Variants in KLHL24 observed in about 807,000 individuals in gnomAD.
The protein encoded by KLHL24 is kelch like family member 24.
KLHL24 carries 29 observed loss-of-function variants against 53.4 expected under a neutral mutation model. That is an observed-to-expected ratio of 0.54 (90% CI 0.40 to 0.74). KLHL24 has a LOEUF of 0.74. Ranked by LOEUF, KLHL24 falls within the 30% of genes least tolerant of loss-of-function variation. KLHL24 has a pLI of 0.00. For missense variants in KLHL24, 504 were observed against 744.0 expected (o/e 0.68, Z 3.75); for synonymous variants, 222 against 253.7 (o/e 0.88, Z 1.19).
At chr3:183,665,449 T>C (rs925528199) in intron 5 of KLHL24, among the ~76,000 whole-genome samples, 2 of 152,324 alleles carry the variant, frequency 1.3e-5, no homozygotes, top group African/African-American at 4.8e-5. Flanking sequence ...TAAATAAATA[T>C]TAAGATAAAC....
chr3:183,667,472 A>G (rs913128356), intron 5 of KLHL24, among the ~76,000 whole-genome samples: 28 of 152,158 alleles, frequency 1.8e-4, no homozygotes, highest in African/African-American at 6.5e-4. Flanking sequence ...ATCAGCGCAC[A>G]TTAGGTTCTC....
intron 2 of KLHL24, among the ~76,000 whole-genome samples, chr3:183,644,648 A>G (rs1048559794): frequency 6.6e-6 from 1 of 152,220 alleles, no homozygotes; most frequent in African/African-American, 2.4e-5. Flanking sequence ...GAACAAATCA[A>G]GGAGCCAACT....
intron 1 of KLHL24, among the ~76,000 whole-genome samples, chr3:183,641,135 TG>T (rs1716356629): frequency 6.6e-6 from 1 of 152,164 alleles, no homozygotes; most frequent in South Asian, 2.1e-4. Flanking sequence ...ATATCTGAAA[TG>T]TATAAAAATT....
chr3:183,663,227 A>G lies in KLHL24; in HGVS notation c.921-231A>G, dbSNP rs904514780. ...ACAATTTTCAGGTCAAAACCAATAG[A>G]AAAAAATAGCAACAGAAATTTTCTG... On this transcript the variant is annotated intron_variant, in intron 3 of 7. Transcript: ENST00000242810. The surrounding 1 kb of genome is among the most constrained non-coding windows in gnomAD (Gnocchi z 4.9). Among the ~76,000 whole-genome samples, 5 of 152,140 alleles carry G rather than the reference A, an allele frequency of 3.3e-5. No individual in the cohort carries two copies. Among genetic ancestry groups the G allele is most frequent in the African/African-American group, 1.2e-4 (5 of 41,416 alleles).
chr3:183,640,016 C>G (rs913354447), intron 1 of KLHL24, among the ~76,000 whole-genome samples: 2 of 152,166 alleles, frequency 1.3e-5, no homozygotes, highest in African/African-American at 2.4e-5. Flanking sequence ...CAGAGCGAGA[C>G]TCCATCTCAA....
intron 3 of KLHL24, among the ~76,000 whole-genome samples, chr3:183,654,635 C>T (rs1718600970): frequency 6.6e-6 from 1 of 152,240 alleles, no homozygotes; most frequent in South Asian, 2.1e-4. Context: ...CAGACTCCCC[C>T]AGTCTTCCAA....
intron 1 of KLHL24, among the ~76,000 whole-genome samples, chr3:183,642,285 A>AT (rs983421205): frequency 1.3e-5 from 2 of 152,080 alleles, no homozygotes; most frequent in South Asian, 2.1e-4. Context: ...TAGTTGCAAT[A>AT]TTTTTTTACC....
At chr3:183,638,762 C>G (rs1297589823) in intron 1 of KLHL24, among the ~76,000 whole-genome samples, 1 of 151,750 alleles carries the variant, frequency 6.6e-6, no homozygotes, top group Admixed American at 6.6e-5. Context: ...ATAGTGAGAC[C>G]CTGTCTCAAA....
intron 7 of KLHL24, 123 bp downstream of exon 7, chr3:183,672,607 G>A (rs1721481949): frequency 4.6e-6 from 3 of 654,808 alleles, no homozygotes; most frequent in Non-Finnish European, 4.7e-6. Context: ...GCTCACGCCT[G>A]TAATCCCAGC....
Position 183,651,144 on chromosome 3 carries a change from A to C in KLHL24, c.788A>C (p.Asn263Thr). ...THVRLPLLHP[N>T]YFVQTVEVDQ... ...GTGAGACTCCCTCTGTTGCATCCCA[A>C]CTACTTTGTTCAAACAGTTGAAGTG... The change falls in exon 3 of 8, where the codon AAC (asparagine) becomes ACC (threonine). Residue 263 changes from asparagine to threonine, a missense_variant. Transcript: ENST00000242810. 1.2e-6 allele frequency: 2 copies of C among 1,614,136 alleles called. No homozygotes were observed. The highest frequency in any genetic ancestry group is 1.7e-6 in the Non-Finnish European group (2 of 1,180,014).
chr3:183,672,402 C>T lies in KLHL24; in HGVS notation c.1520C>T (p.Ala507Val), dbSNP rs1180272516. The T allele has an allele frequency of 6.2e-7, 1 of 1,613,660 alleles. No individual in the cohort carries two copies. The highest frequency in any genetic ancestry group is 8.5e-7 in the Non-Finnish European group (1 of 1,179,748). Reference sequence around the variant, plus strand: ...TCCCTAAACAACCTGATCTATGTTGCCGGTGGACTGACCAAGGCAATATAC... The same window carrying T: ...TCCCTAAACAACCTGATCTATGTTGTCGGTGGACTGACCAAGGCAATATAC... ...AVSLNNLIYV[A>V]GGLTKAIYCY... Residue 507 changes from alanine to valine, a missense_variant, in exon 7 of 8, where the codon GCC becomes GTC. Transcript: ENST00000242810.
At position 183,672,471 on chromosome 3, in the gene KLHL24, C is replaced by T; in HGVS notation, c.1589C>T (p.Thr530Ile). Reference protein sequence around the residue: ...VEDYWMHVQNTFSRQENCGMS... With the variant: ...VEDYWMHVQNIFSRQENCGMS... Reference sequence around the variant, plus strand: ...GATTACTGGATGCACGTACAGAATACATTCAGCCGTCAGGTAATAACATAA... The same window carrying T: ...GATTACTGGATGCACGTACAGAATATATTCAGCCGTCAGGTAATAACATAA... The change falls in exon 7 of 8, where the codon ACA becomes ATA. Residue 530 changes from threonine to isoleucine, a missense_variant. Coordinates refer to ENST00000242810, the MANE Select transcript of KLHL24 (RefSeq NM_017644.3). 2 of 1,605,200 alleles carry T rather than the reference C, an allele frequency of 1.2e-6. No individual in the cohort carries two copies. The highest frequency in any genetic ancestry group is 4.5e-5 in the East Asian group (2 of 44,606).
chr3:183,642,739 G>T (rs1716638655), intron 1 of KLHL24, among the ~76,000 whole-genome samples: 1 of 151,812 alleles, frequency 6.6e-6, no homozygotes, highest in Non-Finnish European at 1.5e-5. Context: ...AAAATTATTT[G>T]CTAACTCTTA....
intron 5 of KLHL24, among the ~76,000 whole-genome samples, chr3:183,668,181 A>G (rs1045113541): frequency 6.6e-6 from 1 of 152,002 alleles, no homozygotes; most frequent in Non-Finnish European, 1.5e-5. Context: ...ACTATATTAT[A>G]TATAGTGTTT....
chr3:183,682,937 GTT>G lies in KLHL24; in HGVS notation c.*3665_*3666del, dbSNP rs761465934. The G allele has an allele frequency of 1.4e-4, 17 of 120,396 alleles. No homozygotes were observed. The highest frequency in any genetic ancestry group is 2.6e-4 in the Admixed American group (3 of 11,686). The allele number at this position is 120,396 out of a possible 1,614,324, so 7.5% of individuals were successfully genotyped here. A position where few individuals can be genotyped will look rare whatever the true frequency, so the allele number is the denominator to read the frequency against. ...ATCTACTTCAAACTGTATTTTTTTC[GTT>G]TTTTTTTTTTTTTGGGGAAGGGGGG... On this transcript the variant is annotated 3_prime_UTR_variant, in exon 8 of 8. Transcript: ENST00000242810.
At chr3:183,637,929 G>C (rs1400964899) in intron 1 of KLHL24, among the ~76,000 whole-genome samples, 2 of 152,224 alleles carry the variant, frequency 1.3e-5, no homozygotes, top group Admixed American at 1.3e-4. Flanking sequence ...AAAGTGCTGG[G>C]ATTGCAGGCG....
intron 1 of KLHL24, among the ~76,000 whole-genome samples, chr3:183,640,598 T>C (rs745700650): frequency 4.7e-4 from 32 of 68,166 alleles, no homozygotes; most frequent in Non-Finnish European, 3.8e-4. Flanking sequence ...TTTTTCTTTT[T>C]TCTTTTTTTT....
At chr3:183,672,900 C>T (rs1445302538) in intron 7 of KLHL24, 2 of 152,536 alleles carry the variant, frequency 1.3e-5, no homozygotes, top group Non-Finnish European at 2.9e-5. Flanking sequence ...GAGGCTGCGG[C>T]AGGAGAATTG....
chr3:183,667,283 G>T (rs1025893762), intron 5 of KLHL24, among the ~76,000 whole-genome samples: 2 of 152,196 alleles, frequency 1.3e-5, no homozygotes, highest in Non-Finnish European at 2.9e-5. Flanking sequence ...GGGCATGGTG[G>T]TCCGCACCGG....
Sources: gnomAD v4.1 joint callset for allele counts (sites outside exome capture counted in the v4.1 genomes callset) on GRCh38, gnomAD v4.1.1 for gene constraint, Gnocchi (gnomAD v3.1) non-coding constraint, MANE v1.5 for transcripts, NCBI Gene and HGNC (gene_info 2026-07-23, HGNC 2026-07-21) for gene names.